STEEP1: variants seen among roughly 807,000 people sequenced by gnomAD.
STEEP1 encodes the protein STING ER exit protein.
STEEP1 carries 3 observed loss-of-function variants against 19.2 expected under a neutral mutation model. The observed-to-expected ratio is 0.16, with a 90% CI of 0.07 to 0.40. STEEP1 has a LOEUF of 0.40. Ranked by LOEUF, STEEP1 falls within the 10% of genes least tolerant of loss-of-function variation. STEEP1 has a pLI of 0.99. For missense variants in STEEP1, 54 were observed against 177.1 expected, an observed-to-expected ratio of 0.30 and a Z score of 3.94; for synonymous variants, 46 against 63.7, an observed-to-expected ratio of 0.72 and a Z score of 1.32.
chrX:119,542,056 T>TTTC (rs2053166208), intron 5 of STEEP1, among the ~76,000 whole-genome samples: 2 of 2,897 alleles, frequency 6.9e-4, no homozygotes, highest in Non-Finnish European at 1.3e-3. Flanking sequence ...TTTTCTTTTC[T>TTTC]TTTTTTTTTT....
intron 2 of STEEP1, among the ~76,000 whole-genome samples, chrX:119,556,852 G>A (rs772915812): frequency 9.0e-6 from 1 of 110,657 alleles, no homozygotes; most frequent in South Asian, 3.8e-4. Context: ...AGAGAGTGGG[G>A]ACAAAAGCAA....
At chrX:119,554,242 C>G (rs1189833924) in intron 2 of STEEP1, among the ~76,000 whole-genome samples, 1 of 111,348 alleles carries the variant, frequency 9.0e-6, no homozygotes, top group African/African-American at 3.3e-5. Context: ...GTCAGGAGTT[C>G]GAGACCAGCC....
At chrX:119,557,419 G>A (rs1224877848) in intron 2 of STEEP1, among the ~76,000 whole-genome samples, 4 of 90,267 alleles carry the variant, frequency 4.4e-5, no homozygotes, top group Admixed American at 1.5e-4. Context: ...CCAACATGGT[G>A]AAACCCCATC....
chrX:119,546,823 C>A (rs757188062), intron 2 of STEEP1, among the ~76,000 whole-genome samples: 17 of 111,835 alleles, frequency 1.5e-4, no homozygotes, highest in Admixed American at 6.7e-4. Flanking sequence ...CTTGTCTCCA[C>A]GTTCCTGCCA....
chrX:119,542,457 G>A (rs368344748), intron 5 of STEEP1, 48 bp downstream of exon 5: 39 of 975,443 alleles, frequency 4.0e-5, no homozygotes, highest in African/African-American at 5.7e-5. Context: ...CCCTTTCCTC[G>A]TACCCTTCTC....
At chrX:119,545,410 C>A in intron 3 of STEEP1, 53 bp downstream of exon 3, 1 of 746,983 alleles carries the variant, frequency 1.3e-6, no homozygotes, top group Non-Finnish European at 2.1e-6. Context: ...TTTCCTAACA[C>A]ATTATGCCTC....
intron 2 of STEEP1, among the ~76,000 whole-genome samples, chrX:119,557,919 A>AT (rs1230566254): frequency 9.2e-6 from 1 of 108,316 alleles, no homozygotes; most frequent in African/African-American, 3.4e-5. Flanking sequence ...TTTTTTTTTT[A>AT]TTTTTTGAGA....
intron 2 of STEEP1, among the ~76,000 whole-genome samples, chrX:119,557,587 G>A (rs1327404566): frequency 9.0e-6 from 1 of 111,305 alleles, no homozygotes; most frequent in Non-Finnish European, 1.9e-5. Context: ...GACATAATTA[G>A]TTAAGTTAAA....
intron 2 of STEEP1, among the ~76,000 whole-genome samples, chrX:119,545,848 G>A (rs1045903850): frequency 7.8e-5 from 8 of 102,900 alleles, no homozygotes; most frequent in Non-Finnish European, 1.4e-4. Context: ...AGCCGAGAGC[G>A]AGCCATTGCA....
intron 2 of STEEP1, among the ~76,000 whole-genome samples, chrX:119,548,989 A>G (rs1412229845): frequency 8.9e-6 from 1 of 112,151 alleles, no homozygotes; most frequent in Non-Finnish European, 1.9e-5. Context: ...AAAGACAAAT[A>G]CTACATGATC....
intron 2 of STEEP1, among the ~76,000 whole-genome samples, chrX:119,553,814 G>A (rs937180061): frequency 9.0e-5 from 10 of 111,647 alleles, no homozygotes; most frequent in African/African-American, 2.9e-4. Flanking sequence ...AAATGGGGCC[G>A]CATATTTCTC....
At chrX:119,552,266 A>T (rs2053248106) in intron 2 of STEEP1, among the ~76,000 whole-genome samples, 1 of 111,072 alleles carries the variant, frequency 9.0e-6, no homozygotes, top group East Asian at 2.8e-4. Flanking sequence ...TGGAACCCCT[A>T]ACCTCAAGTG....
At chrX:119,554,926 G>A (rs1229277875) in intron 2 of STEEP1, among the ~76,000 whole-genome samples, 1 of 110,131 alleles carries the variant, frequency 9.1e-6, no homozygotes, top group Non-Finnish European at 1.9e-5. Flanking sequence ...GGGCAACATA[G>A]GAAGACCCTG....
At chrX:119,561,393 G>A (rs1209878610) in intron 1 of STEEP1, among the ~76,000 whole-genome samples, 1 of 111,353 alleles carries the variant, frequency 9.0e-6, no homozygotes, top group Non-Finnish European at 1.9e-5. Context: ...GGCCAGGTGC[G>A]GTGGCTCACG....
chrX:119,558,173 T>C (rs368387475), intron 2 of STEEP1, among the ~76,000 whole-genome samples: 3 of 111,478 alleles, frequency 2.7e-5, no homozygotes, highest in Non-Finnish European at 5.6e-5. Context: ...CCTCTCAAAG[T>C]GTTGGGATTA....
intron 2 of STEEP1, among the ~76,000 whole-genome samples, chrX:119,558,480 TGAGCCGA>T (rs1460848891): frequency 1.3e-4 from 14 of 111,275 alleles, no homozygotes; most frequent in Admixed American, 4.8e-4. Context: ...GAGCTTGCAG[TGAGCCGA>T]GATCGCGCCA....
intron 1 of STEEP1, 138 bp from the exon 2 acceptor site, chrX:119,560,523 C>G: frequency 2.2e-6 from 1 of 462,644 alleles, no homozygotes; most frequent in African/African-American, 2.4e-5. Context: ...TTATTGAAAC[C>G]TATTATTGAA....
At chrX:119,548,101 G>A (rs1164899295) in intron 2 of STEEP1, among the ~76,000 whole-genome samples, 1 of 111,067 alleles carries the variant, frequency 9.0e-6, no homozygotes, top group African/African-American at 3.3e-5. Context: ...GAACCTGGGA[G>A]GCAGAGGTTG....
At chrX:119,549,923 G>C (rs1420603480) in intron 2 of STEEP1, among the ~76,000 whole-genome samples, 1 of 111,860 alleles carries the variant, frequency 8.9e-6, no homozygotes, top group East Asian at 2.8e-4. Context: ...GTGAAAGACT[G>C]AAAGCTTTCC....
Sources: allele counts gnomAD v4.1 joint callset (sites outside exome capture counted in the v4.1 genomes callset), GRCh38; gene constraint gnomAD v4.1.1; transcripts MANE v1.5; gene names NCBI Gene and HGNC (gene_info 2026-07-23, HGNC 2026-07-21).